Variants in GPHN observed in about 807,000 individuals in gnomAD.
GPHN encodes gephyrin.
A neutral mutation model predicts 95.5 loss-of-function variants in GPHN; 17 were observed. The observed-to-expected ratio is 0.18, with a 90% CI of 0.12 to 0.27. The LOEUF is 0.27. Ranked by LOEUF, GPHN falls within the 10% of genes least tolerant of loss-of-function variation. GPHN has a pLI of 1.00. For synonymous variants in GPHN, 320 were observed against 322.5 expected (o/e 0.99, Z 0.08); for missense variants, 660 against 978.1 (o/e 0.67, Z 4.34).
At chr14:66,775,293 A>G (rs1453545661) in intron 2 of GPHN, among the ~76,000 whole-genome samples, 1 of 152,118 alleles carries the variant, frequency 6.6e-6, no homozygotes. Context: ...AGGTATACTT[A>G]TAAGTGCAGA....
intron 6 of GPHN, among the ~76,000 whole-genome samples, chr14:66,918,018 C>A (rs1177722869): frequency 6.6e-6 from 1 of 152,148 alleles, no homozygotes; most frequent in Non-Finnish European, 1.5e-5. Context: ...TCATTTCTGA[C>A]CCTAATTGCA....
the GPHN span, chr14:67,590,045 A>G: frequency 3.6e-5 from 55 of 1,541,098 alleles, no homozygotes; most frequent in Non-Finnish European, 4.5e-5. Flanking sequence ...GTCATCTCCC[A>G]TGGAAGACAA....
chr14:67,044,695 A>G (rs1440907729), intron 10 of GPHN, among the ~76,000 whole-genome samples: 3 of 151,960 alleles, frequency 2.0e-5, no homozygotes, highest in Non-Finnish European at 4.4e-5. Context: ...TTATGGCATC[A>G]AAAGCATTAT....
intron 9 of GPHN, among the ~76,000 whole-genome samples, chr14:67,008,441 G>A (rs1406312651): frequency 6.6e-6 from 1 of 150,434 alleles, no homozygotes; most frequent in Non-Finnish European, 1.5e-5. Flanking sequence ...GTGACAGAGT[G>A]AGACACCGTC....
At chr14:66,687,062 T>G (rs1441843214) in intron 2 of GPHN, among the ~76,000 whole-genome samples, 1 of 152,192 alleles carries the variant, frequency 6.6e-6, no homozygotes, top group Non-Finnish European at 1.5e-5. Context: ...TTTATTGATT[T>G]GCGTATGTTG....
At chr14:67,127,435 T>C (rs1465204843) in intron 17 of GPHN, among the ~76,000 whole-genome samples, 1 of 152,204 alleles carries the variant, frequency 6.6e-6, no homozygotes, top group African/African-American at 2.4e-5. Flanking sequence ...AAGCTAATGA[T>C]GGAGACTGGA....
intron 1 of GPHN, among the ~76,000 whole-genome samples, chr14:66,679,631 C>T (rs542533721): frequency 1.3e-5 from 2 of 152,188 alleles, no homozygotes; most frequent in South Asian, 4.2e-4. Flanking sequence ...CATTTCATTT[C>T]TTTCTTGCTG....
Position 66,674,449 on chromosome 14 carries a change from A to G in GPHN, c.65-6658A>G, listed in dbSNP as rs1369984021. Among the ~76,000 whole-genome samples, 3 of 151,844 alleles carry G rather than the reference A, an allele frequency of 2.0e-5. No homozygotes were observed. The East Asian group carries it at 5.8e-4, about 29-fold the overall frequency. On this transcript the variant is annotated intron_variant, in intron 1 of 22. Transcript: ENST00000478722. ...TGTGTTCATTAACCAGCCTCTTCCC[A>G]TCCTTCCCTACCCACTCCCCTTCTA...
chr14:67,317,548 C>T, the GPHN span: 1 of 1,047,624 alleles, frequency 9.5e-7, no homozygotes, highest in Non-Finnish European at 1.4e-6. Flanking sequence ...CTGTTTTGCA[C>T]CTTAATGTTA....
intron 9 of GPHN, among the ~76,000 whole-genome samples, chr14:67,000,650 ACTG>A (rs1467433351): frequency 6.6e-6 from 1 of 151,674 alleles, no homozygotes; most frequent in African/African-American, 2.4e-5. Flanking sequence ...AAACACTACA[ACTG>A]CTGCTATTAA....
At chr14:67,091,784 T>A (rs1185741896) in intron 12 of GPHN, among the ~76,000 whole-genome samples, 1 of 151,904 alleles carries the variant, frequency 6.6e-6, no homozygotes, top group Non-Finnish European at 1.5e-5. Context: ...CATCAAAAAA[T>A]TTTTATGTAA....
At chr14:66,934,583 A>G (rs1296741776) in intron 8 of GPHN, among the ~76,000 whole-genome samples, 4 of 152,212 alleles carry the variant, frequency 2.6e-5, no homozygotes, top group African/African-American at 4.8e-5. Flanking sequence ...CATCTCTTAT[A>G]TTTTAATTTA....
chr14:66,861,938 A>G (rs1195105417), intron 4 of GPHN, among the ~76,000 whole-genome samples: 2 of 152,102 alleles, frequency 1.3e-5, no homozygotes, highest in East Asian at 3.9e-4. Flanking sequence ...GAACTAGAAA[A>G]GCAAGAGCAA....
At chr14:67,148,930 TC>T (rs1258130308) in intron 18 of GPHN, among the ~76,000 whole-genome samples, 1 of 152,168 alleles carries the variant, frequency 6.6e-6, no homozygotes, top group Non-Finnish European at 1.5e-5. Context: ...ATGCTTGAGT[TC>T]TTCCAGCAGC....
chr14:66,744,135 C>G (rs961264853), intron 2 of GPHN, among the ~76,000 whole-genome samples: 51 of 152,270 alleles, frequency 3.3e-4, no homozygotes, highest in African/African-American at 1.2e-3. Flanking sequence ...CTTCTGTAGC[C>G]TTCTGCCTAT....
the GPHN span, among the ~76,000 whole-genome samples, chr14:67,286,855 CAAAAAA>C: frequency 4.5e-5 from 3 of 67,208 alleles, no homozygotes; most frequent in African/African-American, 1.4e-4. Flanking sequence ...GACCTGGTCT[CAAAAAA>C]AAAAAAAAAA....
At chr14:67,365,097 T>A in the GPHN span, 1,439 of 1,227,306 alleles carry the variant, frequency 1.2e-3, 8 homozygotes, top group African/African-American at 0.019. Context: ...AGCTGCAGCT[T>A]AAAAAAAAAA....
chr14:66,763,490 GT>G (rs2058838830), intron 2 of GPHN, among the ~76,000 whole-genome samples: 2 of 147,932 alleles, frequency 1.4e-5, no homozygotes, highest in Admixed American at 6.8e-5. Context: ...AATAGGCGGT[GT>G]TTGGTTTTTT....
Position 66,800,163 on chromosome 14 carries a change from A to G in GPHN, c.201+23642A>G, listed in dbSNP as rs974593888. On this transcript the variant is annotated intron_variant, in intron 3 of 22. Transcript: ENST00000478722. ...CTATTTATATCTTAATGTACGGACT[A>G]TGTCTTCAAAAGTTTTTATAATTAT... Among the ~76,000 whole-genome samples, 4 of 151,944 alleles carry G rather than the reference A, an allele frequency of 2.6e-5. No individual in the cohort carries two copies. The East Asian group carries it at 5.8e-4, about 22-fold the overall frequency.
Sources: gnomAD v4.1 joint callset for allele counts (sites outside exome capture counted in the v4.1 genomes callset) on GRCh38, gnomAD v4.1.1 for gene constraint, MANE v1.5 for transcripts, NCBI Gene and HGNC (gene_info 2026-07-23, HGNC 2026-07-21) for gene names.